PDE1C: variants seen among roughly 807,000 people sequenced by gnomAD.
The protein encoded by PDE1C is dual specificity calcium/calmodulin-dependent 3',5'-cyclic nucleotide phosphodiesterase 1C.
A neutral mutation model predicts 93.1 loss-of-function variants in PDE1C; 62 were observed. That is an observed-to-expected ratio of 0.67 (90% CI 0.54 to 0.82). PDE1C has a LOEUF of 0.82. PDE1C is among the 40% of genes least tolerant of loss of function. The probability of loss-of-function intolerance (pLI) is 0.00; values close to 1 mark genes in which losing one functional copy is unlikely to be tolerated. For synonymous variants in PDE1C, 325 were observed against 310.1 expected, an observed-to-expected ratio of 1.05 and a Z score of -0.50; for missense variants, 742 against 884.6, an observed-to-expected ratio of 0.84 and a Z score of 2.04.
chr7:31,950,875 C>T (rs961524108), intron 2 of PDE1C, among the ~76,000 whole-genome samples: 34 of 152,066 alleles, frequency 2.2e-4, no homozygotes, highest in Admixed American at 1.6e-3. Flanking sequence ...CCTGAGTGTA[C>T]GATATGTTTG....
At chr7:31,886,869 CGGATCTATTCAG>C (rs1798000245) in intron 2 of PDE1C, among the ~76,000 whole-genome samples, 8 of 150,096 alleles carry the variant, frequency 5.3e-5, no homozygotes, top group South Asian at 2.1e-4. Flanking sequence ...TAGATCTATT[CGGATCTATTCAG>C]GGGCGTGTCA....
the PDE1C span, among the ~76,000 whole-genome samples, chr7:31,672,793 T>G: frequency 6.6e-6 from 1 of 152,220 alleles, no homozygotes; most frequent in Admixed American, 6.5e-5. Flanking sequence ...TGATATGGTT[T>G]GGCTCTGTGT....
rs140123287 is a variant in PDE1C at position 32,284,301 on chromosome 7, G to A, written c.85+14350C>T. ...TAGGGGCAAACTGCTATGGTGGAAGGAGCCAGACAGAACTGGTGTCAAGTC... is the reference window on the plus strand; with the variant it reads ...TAGGGGCAAACTGCTATGGTGGAAGAAGCCAGACAGAACTGGTGTCAAGTC... On this transcript the variant is annotated intron_variant, in intron 1 of 18. Transcript: ENST00000396193. 4.4e-4 allele frequency among the ~76,000 whole-genome samples: 67 copies of A among 152,296 alleles called. 1 individual carries two copies. The highest frequency in any genetic ancestry group is 1.6e-3 in the African/African-American group (66 of 41,570).
intron 2 of PDE1C, among the ~76,000 whole-genome samples, chr7:31,988,735 G>T (rs1403117889): frequency 6.6e-6 from 1 of 152,096 alleles, no homozygotes; most frequent in African/African-American, 2.4e-5. Flanking sequence ...AGTGGCTTAC[G>T]CCTGTAATCC....
intron 1 of PDE1C, among the ~76,000 whole-genome samples, chr7:32,312,619 TC>T (rs1432528474): frequency 6.6e-6 from 1 of 152,174 alleles, no homozygotes; most frequent in African/African-American, 2.4e-5. Flanking sequence ...AACCATCTGG[TC>T]TTTGACAAAC....
At chr7:32,347,001 G>T (rs1377570576) in intron 1 of PDE1C, among the ~76,000 whole-genome samples, 1 of 152,214 alleles carries the variant, frequency 6.6e-6, no homozygotes, top group East Asian at 1.9e-4. Flanking sequence ...AAACTAGATT[G>T]TGATGATAGT....
At chr7:32,132,916 T>C (rs1323850229) in intron 3 of PDE1C, among the ~76,000 whole-genome samples, 2 of 152,100 alleles carry the variant, frequency 1.3e-5, no homozygotes, top group African/African-American at 2.4e-5. Flanking sequence ...CAAGAATAAC[T>C]CCGAGATTTT....
At chr7:31,700,032 A>G in the PDE1C span, among the ~76,000 whole-genome samples, 1 of 152,096 alleles carries the variant, frequency 6.6e-6, no homozygotes, top group African/African-American at 2.4e-5. Flanking sequence ...CAATAACCCT[A>G]CAGGGGCCCC....
chr7:31,673,315 G>A, the PDE1C span, among the ~76,000 whole-genome samples: 4 of 152,052 alleles, frequency 2.6e-5, no homozygotes, highest in South Asian at 8.3e-4. Context: ...ACAGGACCAA[G>A]TCCTTACCAT....
intron 2 of PDE1C, among the ~76,000 whole-genome samples, chr7:31,954,201 T>C (rs745941475): frequency 6.6e-6 from 1 of 152,186 alleles, no homozygotes; most frequent in Non-Finnish European, 1.5e-5. Context: ...GGTGAGGGCA[T>C]GGGACTAATT....
intron 3 of PDE1C, among the ~76,000 whole-genome samples, chr7:32,144,015 G>A (rs1584847992): frequency 2.0e-5 from 3 of 152,148 alleles, no homozygotes; most frequent in Admixed American, 2.0e-4. Flanking sequence ...GCTGAATTGA[G>A]AGATGGAGAT....
intron 16 of PDE1C, among the ~76,000 whole-genome samples, chr7:31,794,061 C>T (rs886549511): frequency 3.7e-5 from 5 of 136,980 alleles, no homozygotes; most frequent in East Asian, 2.1e-4. Flanking sequence ...GACAGACAGA[C>T]AGACAGACAG....
chr7:31,841,227 C>CTCTCTCTCTCTCTATATA (rs751320538), intron 9 of PDE1C, among the ~76,000 whole-genome samples: 2 of 142,258 alleles, frequency 1.4e-5, no homozygotes, highest in East Asian at 4.1e-4. Context: ...CTCTCTCTCT[C>CTCTCTCTCTCTCTATATA]TATATATATA....
intron 3 of PDE1C, among the ~76,000 whole-genome samples, chr7:32,111,402 G>A (rs1272842611): frequency 6.6e-6 from 1 of 152,154 alleles, no homozygotes; most frequent in African/African-American, 2.4e-5. Context: ...ATTGTGTAAG[G>A]TACAAAGGAT....
At chr7:32,081,544 C>A (rs113363988) in intron 3 of PDE1C, among the ~76,000 whole-genome samples, 1 of 152,220 alleles carries the variant, frequency 6.6e-6, no homozygotes, top group Non-Finnish European at 1.5e-5. Flanking sequence ...CTATTCTACA[C>A]AGAATTCAAC....
intron 1 of PDE1C, among the ~76,000 whole-genome samples, chr7:32,219,509 G>A (rs1019305168): frequency 1.9e-4 from 29 of 152,188 alleles, no homozygotes; most frequent in African/African-American, 6.8e-4. Context: ...AAGAGCAGAT[G>A]TGTCTGAACA....
At chr7:32,083,725 C>T (rs1481566409) in intron 3 of PDE1C, among the ~76,000 whole-genome samples, 1 of 151,922 alleles carries the variant, frequency 6.6e-6, no homozygotes, top group African/African-American at 2.4e-5. Context: ...TAATTTTCAA[C>T]CCAGAATTTC....
chr7:32,015,996 C>A lies in PDE1C; in HGVS notation c.128+35558G>T, dbSNP rs112917393. ...CGGAAACGGCTTTCCATAAGACACCCATCAGTATGCCATGTCAGTTTACTA... is the reference window on the plus strand; with the variant it reads ...CGGAAACGGCTTTCCATAAGACACCAATCAGTATGCCATGTCAGTTTACTA... On this transcript the variant is annotated intron_variant, in intron 2 of 17. Coordinates refer to ENST00000396191, the MANE Select transcript of PDE1C (RefSeq NM_001191057.4). 5.0e-3 allele frequency among the ~76,000 whole-genome samples: 764 copies of A among 152,330 alleles called. 4 individuals carry two copies. The highest frequency in any genetic ancestry group is 0.017 in the African/African-American group (712 of 41,572).
chr7:32,420,570 G>A (rs927109035), intron 1 of PDE1C, among the ~76,000 whole-genome samples: 14 of 150,326 alleles, frequency 9.3e-5, no homozygotes, highest in African/African-American at 3.2e-4. Context: ...AAAAGGGGGG[G>A]TGGTAATAAT....
Sources: allele counts gnomAD v4.1 joint callset (sites outside exome capture counted in the v4.1 genomes callset), GRCh38; gene constraint gnomAD v4.1.1; transcripts MANE v1.5; gene names NCBI Gene and HGNC (gene_info 2026-07-23, HGNC 2026-07-21).